CYP4F3: variants seen among roughly 807,000 people sequenced by gnomAD.
CYP4F3 encodes cytochrome P450 4F3.
A neutral mutation model predicts 54.8 loss-of-function variants in CYP4F3; 50 were observed. The observed-to-expected ratio is 0.91, with a 90% CI of 0.73 to 1.16. The LOEUF is 1.16. CYP4F3 is among the 50% of genes most tolerant of loss of function. The probability of loss-of-function intolerance (pLI) is 0.00; values close to 1 mark genes in which losing one functional copy is unlikely to be tolerated. For synonymous variants in CYP4F3, 244 were observed against 262.6 expected, an observed-to-expected ratio of 0.93 and a Z score of 0.69; for missense variants, 715 against 676.2, an observed-to-expected ratio of 1.06 and a Z score of -0.64.
rs764723234 is a variant in CYP4F3, at chr19:15,658,727, G to T, written c.1315G>T (p.Val439Phe). 21 of 1,613,964 alleles carry T rather than the reference G, an allele frequency of 1.3e-5. No homozygotes were observed. Among genetic ancestry groups the T allele is most frequent in the Non-Finnish European group, 1.8e-5 (21 of 1,180,010 alleles). Reference protein sequence around the residue: ...HNPAVWPDPEVYDPFRFDPKN... With the variant: ...HNPAVWPDPEFYDPFRFDPKN... ...CAACCCTTCTTGGTCTCGCCTCCAG[G>T]TCTATGACCCCTTTCGCTTTGACCC... The change falls in exon 12 of 13, where the codon GTC becomes TTC. Residue 439 changes from valine (V) to phenylalanine (F), a missense_variant and splice_region_variant. Transcript: ENST00000221307.
At position 15,645,771 on chromosome 19, in the gene CYP4F3, T is replaced by A; in HGVS notation, c.251T>A (p.Phe84Tyr). 1 of 1,614,128 alleles carries A rather than the reference T, an allele frequency of 6.2e-7. No homozygotes were observed. The highest frequency in any genetic ancestry group is 8.5e-7 in the Non-Finnish European group (1 of 1,179,964). ...TACACACAAAGCCTGGCATGCACCT[T>A]CGGTGATATGTGCTGCTGGTGGGTG... is the stretch of plus-strand genomic sequence containing the variant. ...LLYTQSLACT[F>Y]GDMCCWWVGP... is the part of the protein sequence containing the mutation. The change falls in exon 3 of 13, where the codon TTC (phenylalanine) becomes TAC (tyrosine). Residue 84 changes from phenylalanine (F) to tyrosine (Y), a missense_variant. Transcript: ENST00000221307.
rs751774263 is a variant in CYP4F3 at position 15,645,773 on chromosome 19, G to T, written c.253G>T (p.Gly85Cys). The T allele has an allele frequency of 6.2e-7, 1 of 1,613,992 alleles. No individual in the cohort carries two copies. The highest frequency in any genetic ancestry group is 1.3e-5 in the African/African-American group (1 of 74,932). The change falls in exon 3 of 13, where the codon GGT becomes TGT. Residue 85 changes from glycine (G) to cysteine (C), a missense_variant. Gly to Cys is a radical substitution (Grantham distance 159). Transcript: ENST00000221307. ...CACACAAAGCCTGGCATGCACCTTCGGTGATATGTGCTGCTGGTGGGTGGG... is the reference window on the plus strand; with the variant it reads ...CACACAAAGCCTGGCATGCACCTTCTGTGATATGTGCTGCTGGTGGGTGGG... The part of the protein sequence containing the change: ...LYTQSLACTF[G>C]DMCCWWVGPW...
rs1270743362 is a variant in CYP4F3, at chr19:15,662,679, C to T, written c.*3294C>T. The T allele has an allele frequency of 1.3e-5, 2 of 152,096 alleles. No homozygotes were observed. Among genetic ancestry groups the T allele is most frequent in the Non-Finnish European group, 2.9e-5 (2 of 68,022 alleles). The allele number at this position is 152,096 out of a possible 1,614,324, so 9.4% of individuals were successfully genotyped here. ...TCTCCCAATTCATGAATATAGTATA[C>T]CCCTGTATTTATTTGTTTTCTTGAA... On this transcript the variant is annotated 3_prime_UTR_variant, in exon 13 of 13. Coordinates refer to ENST00000221307, the MANE Select transcript of CYP4F3 (RefSeq NM_000896.3).
rs1466003278 is a variant in CYP4F3, at chr19:15,659,401, A to C, written c.*16A>C. On this transcript the variant is annotated 3_prime_UTR_variant, in exon 13 of 13. Transcript: ENST00000221307. Reference sequence around the variant, plus strand: ...CCTGAGCTGAGTTCTGCAGAGACCCACTCTGACCCCACTAAAATGACCCCT... The same window carrying C: ...CCTGAGCTGAGTTCTGCAGAGACCCCCTCTGACCCCACTAAAATGACCCCT... 1 of 1,605,584 alleles carries C rather than the reference A, an allele frequency of 6.2e-7. No homozygotes were observed.
In CYP4F3 at chr19:15,660,607, T is replaced by G. The variant is rs1973160572; in HGVS notation, c.*1222T>G. On this transcript the variant is annotated 3_prime_UTR_variant, in exon 13 of 13. Coordinates refer to ENST00000221307, the MANE Select transcript of CYP4F3 (RefSeq NM_000896.3). ...CTGGTTCGTTTGGCATCAGAGGCCA[T>G]GACTTTTCCTACCACAGAAGTAATT... is the stretch of plus-strand genomic sequence containing the variant. 3 of 152,342 alleles carry G rather than the reference T, an allele frequency of 2.0e-5. No individual in the cohort carries two copies. Among genetic ancestry groups the G allele is most frequent in the Admixed American group, 2.0e-4 (3 of 15,298 alleles). 9.4% of individuals were successfully genotyped at this position (152,342 alleles called of 1,614,324 possible).
In CYP4F3 at chr19:15,641,437, T is replaced by C; in HGVS notation, c.22T>C (p.Ser8Pro). 6.2e-7 allele frequency: 1 copy of C among 1,614,208 alleles called. No individual in the cohort carries two copies. The highest frequency in any genetic ancestry group is 8.5e-7 in the Non-Finnish European group (1 of 1,180,042). MPQLSLS[S>P]LGLWPMAASP... ...CAGGATGCCACAGCTGAGCCTGTCC[T>C]CGCTGGGCCTTTGGCCAATGGCAGC... The change falls in exon 2 of 13, where the codon TCG becomes CCG. Residue 8 changes from serine to proline, a missense_variant. Physicochemically the swap from Ser to Pro is moderately conservative, Grantham distance 74. Coordinates refer to ENST00000221307, the MANE Select transcript of CYP4F3 (RefSeq NM_000896.3).
intron 2 of CYP4F3, among the ~76,000 whole-genome samples, chr19:15,642,005 G>T (rs531051917): frequency 2.0e-5 from 3 of 152,194 alleles, no homozygotes; most frequent in South Asian, 2.1e-4. Context: ...TCTTATGAGG[G>T]TATAGGTGGG....
At chr19:15,644,443 C>T (rs996163870) in intron 2 of CYP4F3, among the ~76,000 whole-genome samples, 4 of 152,188 alleles carry the variant, frequency 2.6e-5, no homozygotes, top group Non-Finnish European at 5.9e-5. Flanking sequence ...TGGAAGCCTT[C>T]CTGGAGGAAG....
At chr19:15,654,153 C>A (rs1319506421) in intron 9 of CYP4F3, among the ~76,000 whole-genome samples, 3 of 152,106 alleles carry the variant, frequency 2.0e-5, no homozygotes, top group Non-Finnish European at 2.9e-5. Context: ...CCCGTCCATG[C>A]CTTTGCCCAG....
intron 1 of CYP4F3, 65 bp from the exon 2 acceptor site, chr19:15,641,350 C>T: frequency 6.3e-7 from 1 of 1,587,986 alleles, no homozygotes; most frequent in Non-Finnish European, 8.6e-7. Context: ...CTCCACTGTC[C>T]CTGGAGCTCC....
rs750638736 is a variant in CYP4F3, at chr19:15,658,743, G to C, written c.1331G>C (p.Arg444Pro). 1 of 1,613,934 alleles carries C rather than the reference G, an allele frequency of 6.2e-7. No homozygotes were observed. The highest frequency in any genetic ancestry group is 2.2e-5 in the East Asian group (1 of 44,872). ...CGCCTCCAGGTCTATGACCCCTTTCGCTTTGACCCAAAGAACATCAAGGAG... is the reference window on the plus strand; with the variant it reads ...CGCCTCCAGGTCTATGACCCCTTTCCCTTTGACCCAAAGAACATCAAGGAG... ...WPDPEVYDPF[R>P]FDPKNIKERS... The change falls in exon 12 of 13, where the codon CGC (arginine) becomes CCC (proline). Residue 444 changes from arginine (R) to proline (P), a missense_variant. By Grantham distance (103) the Arg-to-Pro change is moderately radical (BLOSUM62 -2). Transcript: ENST00000221307.
rs28371480 is a variant in CYP4F3, at chr19:15,650,096, C to G, written c.831C>G (p.Thr277=). ...TDAVIQERRR[T]LPSQGVDDFL... is the part of the protein sequence containing the mutation. Reference sequence around the variant, plus strand: ...CCGTCATCCAGGAGCGGCGCCGCACCCTCCCTAGCCAGGGTGTTGATGACT... The same window carrying G: ...CCGTCATCCAGGAGCGGCGCCGCACGCTCCCTAGCCAGGGTGTTGATGACT... The change falls in exon 7 of 13, where the codon ACC becomes ACG. Residue 277 remains threonine (T), a synonymous_variant. Coordinates refer to ENST00000221307, the MANE Select transcript of CYP4F3 (RefSeq NM_000896.3). 3.1e-6 allele frequency: 5 copies of G among 1,614,060 alleles called. No individual in the cohort carries two copies. The South Asian group carries it at 5.5e-5, about 18-fold the overall frequency.
chr19:15,646,537 A>G (rs1219804316), intron 3 of CYP4F3, among the ~76,000 whole-genome samples: 1 of 152,148 alleles, frequency 6.6e-6, no homozygotes, highest in African/African-American at 2.4e-5. Flanking sequence ...TTTTAAGGTC[A>G]TGTTAGACCA....
chr19:15,652,138 C>T (rs959024658), intron 7 of CYP4F3, among the ~76,000 whole-genome samples: 27 of 152,128 alleles, frequency 1.8e-4, no homozygotes, highest in African/African-American at 6.3e-4. Flanking sequence ...TGCCATATTC[C>T]ATAGACTTAC....
In CYP4F3 at chr19:15,647,352, C is replaced by T. The variant is rs199866164; in HGVS notation, c.525+28C>T. 8 of 1,613,502 alleles carry T rather than the reference C, an allele frequency of 5.0e-6. No homozygotes were observed. The Admixed American group carries it at 6.7e-5, about 13-fold the overall frequency. On this transcript the variant is annotated intron_variant, in intron 5 of 12. Coordinates refer to ENST00000221307, the MANE Select transcript of CYP4F3 (RefSeq NM_000896.3). ...GAGTTATTTGAAGCCAAGGTCCCAGCTGCAGCCTTTGGTTGGGGGGAACCA... is the reference window on the plus strand; with the variant it reads ...GAGTTATTTGAAGCCAAGGTCCCAGTTGCAGCCTTTGGTTGGGGGGAACCA...
intron 5 of CYP4F3, among the ~76,000 whole-genome samples, chr19:15,647,691 T>C (rs1417475779): frequency 6.6e-6 from 1 of 152,184 alleles, no homozygotes; most frequent in Non-Finnish European, 1.5e-5. Flanking sequence ...TGTGGGACAG[T>C]TCGTGGATTC....
At chr19:15,656,286 A>G (rs766638431) in intron 9 of CYP4F3, among the ~76,000 whole-genome samples, 10 of 17,728 alleles carry the variant, frequency 5.6e-4, no homozygotes, top group South Asian at 3.0e-3. Context: ...TCCATTGTGT[A>G]TATATATATA....
intron 2 of CYP4F3, among the ~76,000 whole-genome samples, chr19:15,642,182 C>T (rs1405601560): frequency 6.6e-6 from 1 of 152,226 alleles, no homozygotes; most frequent in Admixed American, 6.5e-5. Context: ...CCTTTCTCCT[C>T]CCCCAGACCT....
chr19:15,650,015 C>T lies in CYP4F3; in HGVS notation c.750C>T (p.Thr250=), dbSNP rs1972743215. The change falls in exon 7 of 13, where the codon ACC becomes ACT. Residue 250 remains threonine, a synonymous_variant. Transcript: ENST00000221307. Reference sequence around the variant, plus strand: ...ACATAGACTTCCTGTATTATCTCACCCCTGATGGGCAGCGTTTCCGCAGGG... The same window carrying T: ...ACATAGACTTCCTGTATTATCTCACTCCTGATGGGCAGCGTTTCCGCAGGG... The part of the protein sequence containing the change: ...LLYIDFLYYL[T]PDGQRFRRAC... The T allele has an allele frequency of 1.2e-6, 2 of 1,614,072 alleles. No individual in the cohort carries two copies. Among genetic ancestry groups the T allele is most frequent in the Non-Finnish European group, 1.7e-6 (2 of 1,180,042 alleles).
Sources: allele counts gnomAD v4.1 joint callset (sites outside exome capture counted in the v4.1 genomes callset), GRCh38; gene constraint gnomAD v4.1.1; transcripts MANE v1.5; gene names NCBI Gene and HGNC (gene_info 2026-07-23, HGNC 2026-07-21).